Variants in CEP128 observed in about 807,000 individuals in gnomAD.
CEP128 encodes the protein centrosomal protein 128, also known as centrosomal protein 128kDa.
CEP128 carries 132 observed loss-of-function variants against 156.7 expected under a neutral mutation model. The observed-to-expected ratio is 0.84, with a 90% CI of 0.73 to 0.97. The LOEUF is 0.97. Ranked by LOEUF, CEP128 falls within the 50% of genes least tolerant of loss-of-function variation. CEP128 has a pLI of 0.00. For missense variants in CEP128, 1,252 were observed against 1,281.9 expected (o/e 0.98, Z 0.36); for synonymous variants, 469 against 448.9 (o/e 1.04, Z -0.57).
At chr14:80,870,076 A>T (rs1183743371) in intron 8 of CEP128, among the ~76,000 whole-genome samples, 1 of 152,048 alleles carries the variant, frequency 6.6e-6, no homozygotes, top group Non-Finnish European at 1.5e-5. Flanking sequence ...AAACAAACCA[A>T]TAATGAGTAA....
chr14:80,509,848 T>A (rs890568436), intron 23 of CEP128, among the ~76,000 whole-genome samples: 1 of 152,196 alleles, frequency 6.6e-6, no homozygotes, highest in Non-Finnish European at 1.5e-5. Context: ...CATATGAATA[T>A]CCAGTTTTTA....
intron 19 of CEP128, among the ~76,000 whole-genome samples, chr14:80,688,875 A>C (rs1896614214): frequency 6.6e-6 from 1 of 152,160 alleles, no homozygotes; most frequent in Admixed American, 6.5e-5. Context: ...CCTTACCATC[A>C]AGTCTGAATT....
At chr14:80,512,710 T>A (rs1888315179) in intron 23 of CEP128, among the ~76,000 whole-genome samples, 1 of 152,112 alleles carries the variant, frequency 6.6e-6, no homozygotes, top group Non-Finnish European at 1.5e-5. Flanking sequence ...TGTTTTAATT[T>A]CTTGCTTTTT....
intron 2 of CEP128, chr14:80,955,575 A>C: frequency 1.4e-6 from 2 of 1,389,112 alleles, no homozygotes; most frequent in Non-Finnish European, 2.0e-6. Flanking sequence ...CCCTCTTCCC[A>C]CCCCTCCCGC....
intron 13 of CEP128, among the ~76,000 whole-genome samples, chr14:80,810,248 G>A (rs902647529): frequency 1.4e-5 from 2 of 147,084 alleles, no homozygotes; most frequent in Non-Finnish European, 3.0e-5. Flanking sequence ...GCCTGAACCT[G>A]GGAGGCGGAG....
intron 23 of CEP128, among the ~76,000 whole-genome samples, chr14:80,521,778 A>G (rs1888756421): frequency 1.3e-5 from 2 of 152,314 alleles, no homozygotes; most frequent in Non-Finnish European, 1.5e-5. Context: ...TTGTACACTC[A>G]CTGTGTGTTC....
chr14:80,802,625 A>G (rs1200068220), intron 13 of CEP128, among the ~76,000 whole-genome samples: 1 of 152,122 alleles, frequency 6.6e-6, no homozygotes, highest in East Asian at 1.9e-4. Context: ...CCTATGTAAC[A>G]AACCTCCATG....
At chr14:80,745,231 GAAGAC>G (rs1184675463) in intron 18 of CEP128, among the ~76,000 whole-genome samples, 11 of 152,036 alleles carry the variant, frequency 7.2e-5, no homozygotes, top group African/African-American at 2.4e-4. Flanking sequence ...GCAGCCATGT[GAAGAC>G]AAGACATGCT....
At chr14:80,728,755 C>CA (rs1898115225) in intron 19 of CEP128, among the ~76,000 whole-genome samples, 1 of 151,876 alleles carries the variant, frequency 6.6e-6, no homozygotes, top group Admixed American at 6.6e-5. Context: ...AGAGAAGGAC[C>CA]AAAAAAGTGA....
intron 7 of CEP128, among the ~76,000 whole-genome samples, chr14:80,897,577 A>G (rs1889400664): frequency 6.6e-6 from 1 of 151,950 alleles, no homozygotes; most frequent in Non-Finnish European, 1.5e-5. Context: ...TGGAATTACC[A>G]TCTACCTAGT....
intron 19 of CEP128, among the ~76,000 whole-genome samples, chr14:80,661,222 G>A (rs1446366550): frequency 2.0e-5 from 3 of 152,100 alleles, no homozygotes; most frequent in African/African-American, 7.2e-5. Flanking sequence ...AAAATCAACA[G>A]CATCCATCTT....
At chr14:80,590,746 A>C (rs1892020340) in intron 19 of CEP128, among the ~76,000 whole-genome samples, 1 of 152,116 alleles carries the variant, frequency 6.6e-6, no homozygotes, top group African/African-American at 2.4e-5. Context: ...CAAAAATTGT[A>C]ACAATATCTT....
chr14:80,528,477 G>A (rs1221772451), intron 22 of CEP128, among the ~76,000 whole-genome samples: 3 of 152,118 alleles, frequency 2.0e-5, no homozygotes, highest in South Asian at 2.1e-4. Context: ...TAGTAGAGAC[G>A]GGCTTTCACC....
At chr14:80,658,457 G>A (rs1213777489) in intron 19 of CEP128, among the ~76,000 whole-genome samples, 1 of 152,144 alleles carries the variant, frequency 6.6e-6, no homozygotes, top group Non-Finnish European at 1.5e-5. Context: ...GACATGATCT[G>A]ATTTCTAGAA....
intron 22 of CEP128, 35 bp downstream of exon 22, chr14:80,530,774 A>G: frequency 6.9e-7 from 1 of 1,455,782 alleles, no homozygotes; most frequent in Non-Finnish European, 9.5e-7. Flanking sequence ...TCACTCAGAT[A>G]AAATACTGAA....
intron 16 of CEP128, among the ~76,000 whole-genome samples, chr14:80,777,543 T>C (rs1454024245): frequency 6.6e-6 from 1 of 152,236 alleles, no homozygotes; most frequent in Non-Finnish European, 1.5e-5. Context: ...AAGACTTAAA[T>C]GATGGATAGA....
intron 19 of CEP128, among the ~76,000 whole-genome samples, chr14:80,613,372 G>T (rs1893082722): frequency 7.6e-6 from 1 of 131,010 alleles, no homozygotes; most frequent in South Asian, 2.4e-4. Context: ...GCGCGATCTC[G>T]GCTCACTGCA....
At chr14:80,692,281 A>T (rs1162189063) in intron 19 of CEP128, among the ~76,000 whole-genome samples, 1 of 152,190 alleles carries the variant, frequency 6.6e-6, no homozygotes, top group Non-Finnish European at 1.5e-5. Flanking sequence ...TGCAAGAGTT[A>T]TATAAAGATC....
intron 19 of CEP128, among the ~76,000 whole-genome samples, chr14:80,592,075 C>T (rs983399222): frequency 3.7e-4 from 56 of 152,090 alleles, no homozygotes; most frequent in African/African-American, 1.2e-3. Flanking sequence ...AATTGACACC[C>T]TAAGATCACA....
Sources: allele counts gnomAD v4.1 joint callset (sites outside exome capture counted in the v4.1 genomes callset), GRCh38; gene constraint gnomAD v4.1.1; transcripts MANE v1.5; gene names NCBI Gene and HGNC (gene_info 2026-07-23, HGNC 2026-07-21).